Variants in RP1L1 observed in about 807,000 individuals in gnomAD.
RP1L1 encodes the protein RP1 like 1.
A neutral mutation model predicts 15.7 loss-of-function variants in RP1L1; 27 were observed. The observed-to-expected ratio is 1.72, with a 90% CI of 1.27 to 2.38. The LOEUF (loss-of-function observed/expected upper bound fraction) is 2.38, where lower values mean the gene tolerates loss of function less well. Among genes scored for constraint, RP1L1 ranks in the 30% most tolerant of loss-of-function variants. The pLI is 0.00. For missense variants in RP1L1, 4,798 were observed against 3,075.9 expected (o/e 1.56, Z -13.24); for synonymous variants, 1,813 against 1,276.7 (o/e 1.42, Z -8.96).
At position 10,612,830 on chromosome 8, in the gene RP1L1, C is replaced by T. The variant is rs566321002; in HGVS notation, c.1268G>A (p.Arg423Gln). 2.5e-5 allele frequency: 41 copies of T among 1,612,328 alleles called. No homozygotes were observed. The East Asian group carries it at 6.2e-4, about 25-fold the overall frequency. ...GTGCTGGGCCAGTCCCCACCTCTTC[C>T]GAGCTGCCACTCTCTCTCCCTGGGA... ...HASQGERVAA[R>Q]KRWGLAQHVR... Residue 423 changes from arginine (R) to glutamine (Q), a missense_variant, in exon 4 of 4, where the codon CGG (arginine) becomes CAG (glutamine). Coordinates refer to ENST00000382483, the MANE Select transcript of RP1L1 (RefSeq NM_178857.6).
chr8:10,608,841 T>C lies in RP1L1; in HGVS notation c.5257A>G (p.Asn1753Asp). Residue 1753 changes from asparagine to aspartate, a missense_variant, in exon 4 of 4, where the codon AAC (asparagine) becomes GAC (aspartate). Asn to Asp is a conservative substitution (Grantham distance 23). Coordinates refer to ENST00000382483, the MANE Select transcript of RP1L1 (RefSeq NM_178857.6). Reference protein sequence around the residue: ...GEDGEGSQRLNRDKDPKLGEA... With the variant: ...GEDGEGSQRLDRDKDPKLGEA... ...CCGAGTTTGGGATCTTTGTCTCTGT[T>C]GAGTCTCTGGCTCCCCTCGCCATCC... 1 of 1,614,136 alleles carries C rather than the reference T, an allele frequency of 6.2e-7. No individual in the cohort carries two copies. The highest frequency in any genetic ancestry group is 8.5e-7 in the Non-Finnish European group (1 of 1,180,034).
rs533711414 is a variant in RP1L1, at chr8:10,650,353, T to C, written c.-20+4545A>G. Among the ~76,000 whole-genome samples, 92 of 152,132 alleles carry C rather than the reference T, an allele frequency of 6.0e-4. 1 individual carries two copies. Among genetic ancestry groups the C allele is most frequent in the Admixed American group, 5.6e-3 (85 of 15,282 alleles). On this transcript the variant is annotated intron_variant, in intron 1 of 3. Coordinates refer to ENST00000382483, the MANE Select transcript of RP1L1 (RefSeq NM_178857.6). ...GCAGAAGCATCCTAGCTGCTAATAG[T>C]CTCCCAAAATACAGCTTCGACCAAA...
Position 10,606,661 on chromosome 8 carries a change from G to A in RP1L1, c.*234C>T, listed in dbSNP as rs1585955342. On this transcript the variant is annotated 3_prime_UTR_variant, in exon 4 of 4. Transcript: ENST00000382483. ...TGACCTCCGATAACCGGGCAGATCC[G>A]CAGACACCCCCTTTCTTCACACTGC... 2.2e-5 allele frequency: 14 copies of A among 638,238 alleles called. No individual in the cohort carries two copies. Among genetic ancestry groups the A allele is most frequent in the Middle Eastern group, 4.4e-4 (1 of 2,252 alleles). The allele number at this position is 638,238 out of a possible 1,614,324, so 39.5% of individuals were successfully genotyped here. A position where few individuals can be genotyped will look rare whatever the true frequency, so the allele number is the denominator to read the frequency against.
At chr8:10,624,226 G>C (rs533862751) in intron 1 of RP1L1, among the ~76,000 whole-genome samples, 1 of 152,128 alleles carries the variant, frequency 6.6e-6, no homozygotes, top group African/African-American at 2.4e-5. Flanking sequence ...AGATTTCTGA[G>C]CATCTATTGC....
At position 10,610,666 on chromosome 8, in the gene RP1L1, G is replaced by A. The variant is rs757971924; in HGVS notation, c.3432C>T (p.Ser1144=). 2.5e-6 allele frequency: 4 copies of A among 1,612,204 alleles called. No individual in the cohort carries two copies. The South Asian group carries it at 3.3e-5, about 13-fold the overall frequency. ...TGCTGAGCAGCTCCTGGTACCGAGGGGAGTCTTTGAACCTCACTTTGCTGG... is the reference window on the plus strand; with the variant it reads ...TGCTGAGCAGCTCCTGGTACCGAGGAGAGTCTTTGAACCTCACTTTGCTGG... ...SPASKVRFKD[S]PRYQELLSIS... The change falls in exon 4 of 4, where the codon TCC becomes TCT. Residue 1144 remains serine, a synonymous_variant. Coordinates refer to ENST00000382483, the MANE Select transcript of RP1L1 (RefSeq NM_178857.6).
At chr8:10,651,261 T>A (rs547280752) in intron 1 of RP1L1, among the ~76,000 whole-genome samples, 37 of 152,288 alleles carry the variant, frequency 2.4e-4, no homozygotes, top group African/African-American at 8.9e-4. Flanking sequence ...AGCCCAGCAA[T>A]CTGTGTTTTA....
rs765912857 is a variant in RP1L1, at chr8:10,610,196, A to G, written c.3902T>C (p.Val1301Ala). ...TCCTTCTTTAGTTTCCTCTAATTGCACCTCTTCTTGCACTGTGTTTTCAGC... is the reference window on the plus strand; with the variant it reads ...TCCTTCTTTAGTTTCCTCTAATTGCGCCTCTTCTTGCACTGTGTTTTCAGC... The part of the protein sequence containing the change: ...QLAENTVQEE[V>A]QLEETKEGTE... The change falls in exon 4 of 4, where the codon GTG (valine) becomes GCG (alanine). Residue 1301 changes from valine to alanine, a missense_variant. By Grantham distance (64) the Val-to-Ala change is moderately conservative. Coordinates refer to ENST00000382483, the MANE Select transcript of RP1L1 (RefSeq NM_178857.6). 7.6e-7 allele frequency: 1 copy of G among 1,307,616 alleles called. No individual in the cohort carries two copies. The highest frequency in any genetic ancestry group is 3.3e-5 in the East Asian group (1 of 30,222). The allele number at this position is 1,307,616 out of a possible 1,614,324, so 81.0% of individuals were successfully genotyped here.
chr8:10,623,126 A>G lies in RP1L1; in HGVS notation c.76T>C (p.Ser26Pro). Residue 26 changes from serine (S) to proline (P), a missense_variant, in exon 2 of 4, where the codon TCG becomes CCG. Physicochemically the swap from Ser to Pro is moderately conservative, Grantham distance 74. Transcript: ENST00000382483. Reference sequence around the variant, plus strand: ...TTGGCTGGCGTGACCTTGGTGACCGAGGGGGTGCGAGCCACAGAGGGCAGG... The same window carrying G: ...TTGGCTGGCGTGACCTTGGTGACCGGGGGGGTGCGAGCCACAGAGGGCAGG... ...CFLPSVARTPSVTKVTPAKKI... is the reference protein window; with the variant it reads ...CFLPSVARTPPVTKVTPAKKI... 2 of 1,609,750 alleles carry G rather than the reference A, an allele frequency of 1.2e-6. No homozygotes were observed. The highest frequency in any genetic ancestry group is 2.2e-5 in the East Asian group (1 of 44,826).
chr8:10,623,089 A>G lies in RP1L1; in HGVS notation c.113T>C (p.Phe38Ser). The change falls in exon 2 of 4, where the codon TTC (phenylalanine) becomes TCC (serine). Residue 38 changes from phenylalanine to serine, a missense_variant. Coordinates refer to ENST00000382483, the MANE Select transcript of RP1L1 (RefSeq NM_178857.6). ...AAACCGTGGATCCCCTCGCTTGAGG[A>G]AGGTGATCTTCTTGGCTGGCGTGAC... ...TKVTPAKKIT[F>S]LKRGDPRFAG... The G allele has an allele frequency of 6.2e-7, 1 of 1,613,864 alleles. No homozygotes were observed. The highest frequency in any genetic ancestry group is 8.5e-7 in the Non-Finnish European group (1 of 1,179,952).
rs561137172 is a variant in RP1L1 at position 10,624,276 on chromosome 8, A to T, written c.-19-1056T>A. Among the ~76,000 whole-genome samples, 68 of 152,342 alleles carry T rather than the reference A, an allele frequency of 4.5e-4. 2 individuals are homozygous for T. In the South Asian group the frequency reaches 0.014, roughly 32 times the overall value. ...GGCATCCTGGGATGCAACCATTAGT[A>T]GGACATGGCACCGATCTTCAGAAAC... On this transcript the variant is annotated intron_variant, in intron 1 of 3. Coordinates refer to ENST00000382483, the MANE Select transcript of RP1L1 (RefSeq NM_178857.6).
In RP1L1 at chr8:10,612,377, G is replaced by C; in HGVS notation, c.1721C>G (p.Pro574Arg). ...SQQEASEGGDPASPALSLSSL... is the reference protein window; with the variant it reads ...SQQEASEGGDRASPALSLSSL... ...TGAAAGACTCAGGGCTGGAGAAGCG[G>C]GGTCGCCTCCCTCGCTGGCCTCCTG... Residue 574 changes from proline (P) to arginine (R), a missense_variant, in exon 4 of 4, where the codon CCC (proline) becomes CGC (arginine). Coordinates refer to ENST00000382483, the MANE Select transcript of RP1L1 (RefSeq NM_178857.6). 2 of 1,612,876 alleles carry C rather than the reference G, an allele frequency of 1.2e-6. No individual in the cohort carries two copies. The highest frequency in any genetic ancestry group is 1.7e-6 in the Non-Finnish European group (2 of 1,180,034).
In RP1L1 at chr8:10,610,113, C is replaced by T; in HGVS notation, c.3985G>A (p.Glu1329Lys). 2 of 1,475,060 alleles carry T rather than the reference C, an allele frequency of 1.4e-6. 1 individual carries two copies. The allele number at this position is 1,475,060 out of a possible 1,614,324, so 91.4% of individuals were successfully genotyped here. Reference sequence around the variant, plus strand: ...TGCACCCCCTCTTCTTGCAGCCCTTCTTCTGTTTTAGTTTCCTCTAACTGC... The same window carrying T: ...TGCACCCCCTCTTCTTGCAGCCCTTTTTCTGTTTTAGTTTCCTCTAACTGC... ...AVQLEETKTEEGLQEEGVQLE... is the reference protein window; with the variant it reads ...AVQLEETKTEKGLQEEGVQLE... The change falls in exon 4 of 4, where the codon GAA becomes AAA. Residue 1329 changes from glutamate to lysine, a missense_variant. Physicochemically the swap from Glu to Lys is moderately conservative, Grantham distance 56. Transcript: ENST00000382483.
intron 1 of RP1L1, 103 bp from the exon 2 acceptor site, chr8:10,623,323 T>C: frequency 1.2e-6 from 1 of 845,148 alleles, no homozygotes. Context: ...ACCCCAAATG[T>C]GCTCCACTCC....
chr8:10,607,356 C>T lies in RP1L1; in HGVS notation c.6742G>A (p.Glu2248Lys), dbSNP rs758698287. The T allele has an allele frequency of 9.3e-6, 15 of 1,614,022 alleles. No homozygotes were observed. In the African/African-American group the frequency reaches 1.6e-4, roughly 17 times the overall value. The change falls in exon 4 of 4, where the codon GAG becomes AAG. Residue 2248 changes from glutamate (E) to lysine (K), a missense_variant. Coordinates refer to ENST00000382483, the MANE Select transcript of RP1L1 (RefSeq NM_178857.6). ...QPESEGETQG[E>K]KKGSPQVSLG... ...CTGACCTGAGGGCTCCCCTTTTTCT[C>T]ACCTTGAGTTTCTCCTTCTGACTCT...
At chr8:10,630,326 G>A (rs1332985822) in intron 1 of RP1L1, among the ~76,000 whole-genome samples, 5 of 152,210 alleles carry the variant, frequency 3.3e-5, no homozygotes, top group African/African-American at 9.7e-5. Context: ...AGGTTGACCT[G>A]ACCTCTCCAT....
chr8:10,636,909 G>A (rs1340252174), intron 1 of RP1L1, among the ~76,000 whole-genome samples: 1 of 152,186 alleles, frequency 6.6e-6, no homozygotes, highest in Non-Finnish European at 1.5e-5. Context: ...TGGCCAGTCT[G>A]TCACACAGCT....
intron 3 of RP1L1, among the ~76,000 whole-genome samples, chr8:10,614,000 G>A (rs147668887): frequency 1.3e-5 from 2 of 152,254 alleles, no homozygotes; most frequent in Non-Finnish European, 2.9e-5. Flanking sequence ...GGTTCGGTTC[G>A]TATTGATGCA....
chr8:10,614,981 T>A (rs1797942445), intron 3 of RP1L1, among the ~76,000 whole-genome samples: 1 of 151,984 alleles, frequency 6.6e-6, no homozygotes, highest in Non-Finnish European at 1.5e-5. Flanking sequence ...GGCAAAAGGG[T>A]AGGGCTAGCA....
chr8:10,643,183 C>A (rs541126146), intron 1 of RP1L1, among the ~76,000 whole-genome samples: 2 of 152,104 alleles, frequency 1.3e-5, no homozygotes, highest in East Asian at 1.9e-4. Flanking sequence ...ACAAAAAAAA[C>A]ACAAAAGTTA....
Sources: gnomAD v4.1 joint callset for allele counts (sites outside exome capture counted in the v4.1 genomes callset) on GRCh38, gnomAD v4.1.1 for gene constraint, MANE v1.5 for transcripts, NCBI Gene and HGNC (gene_info 2026-07-23, HGNC 2026-07-21) for gene names.